CACNA1C: variants seen among roughly 807,000 people sequenced by gnomAD.
CACNA1C encodes the protein voltage-dependent L-type calcium channel subunit alpha-1C.
In CACNA1C, 30 loss-of-function variants were observed where a neutral mutation model predicts 229.0. That is an observed-to-expected ratio of 0.13 (90% CI 0.10 to 0.18). The LOEUF is 0.18. CACNA1C is among the 10% of genes least tolerant of loss of function. CACNA1C has a pLI of 1.00. For synonymous variants in CACNA1C, 1,114 were observed against 1,132.5 expected, an observed-to-expected ratio of 0.98 and a Z score of 0.33; for missense variants, 1,658 against 2,845.0, an observed-to-expected ratio of 0.58 and a Z score of 9.49.
chr12:2,012,194 TG>T (rs1372509254), intron 1 of CACNA1C, among the ~76,000 whole-genome samples: 1 of 152,138 alleles, frequency 6.6e-6, no homozygotes, highest in African/African-American at 2.4e-5. Flanking sequence ...ACTCTAATAG[TG>T]GGGACTAGGG....
intron 3 of CACNA1C, among the ~76,000 whole-genome samples, chr12:2,232,227 G>GTTTTTTTTTTTTTTTTTTTTTTTTTT (rs1169407536): frequency 1.9e-3 from 142 of 73,536 alleles, no homozygotes; most frequent in Non-Finnish European, 2.5e-3. Flanking sequence ...GTCTTTCCTT[G>GTTTTTTTTTTTTTTTTTTTTTTTTTT]TTTTTTTTTT....
In CACNA1C at chr12:2,289,353, G is replaced by A. The variant is rs146733310; in HGVS notation, c.478-159623G>A. Among the ~76,000 whole-genome samples the A allele has an allele frequency of 9.5e-3, 1,442 of 152,254 alleles. 18 individuals are homozygous for A. The highest frequency in any genetic ancestry group is 0.033 in the African/African-American group (1,386 of 41,538). ...TTCCTTCACTGCCTGGGGAGGGGGT[G>A]GATGGAGGAGGGAAACTAGCCACCT... is the stretch of plus-strand genomic sequence containing the variant. On this transcript the variant is annotated intron_variant, in intron 3 of 46. Transcript: ENST00000399655.
At chr12:2,638,978 G>A (rs1468148511) in intron 30 of CACNA1C, among the ~76,000 whole-genome samples, 1 of 152,268 alleles carries the variant, frequency 6.6e-6, no homozygotes, top group Non-Finnish European at 1.5e-5. Flanking sequence ...AGCGACAAGA[G>A]GCAGAGGAGC....
At chr12:2,500,200 A>G (rs2099756098) in intron 7 of CACNA1C, among the ~76,000 whole-genome samples, 1 of 151,978 alleles carries the variant, frequency 6.6e-6, no homozygotes, top group African/African-American at 2.4e-5. Context: ...CCCAGGGGGG[A>G]CCAAAGCAGC....
At chr12:2,673,614 T>G (rs1458462105) in intron 38 of CACNA1C, among the ~76,000 whole-genome samples, 1 of 152,004 alleles carries the variant, frequency 6.6e-6, no homozygotes, top group Non-Finnish European at 1.5e-5. Flanking sequence ...GGAGATCATG[T>G]TGTTGGTGGA....
chr12:2,277,399 A>G (rs2089159269), intron 3 of CACNA1C, among the ~76,000 whole-genome samples: 1 of 142,552 alleles, frequency 7.0e-6, no homozygotes, highest in South Asian at 2.3e-4. Context: ...ACACACACAC[A>G]CACACACACA....
intron 1 of CACNA1C, among the ~76,000 whole-genome samples, chr12:2,062,668 T>C (rs78848059): frequency 0.021 from 3,232 of 152,224 alleles, 128 homozygotes; most frequent in African/African-American, 0.073. Flanking sequence ...ATTCCCAGGG[T>C]TTCTGCCAGG....
At chr12:2,073,817 C>T (rs1200383393) in intron 1 of CACNA1C, among the ~76,000 whole-genome samples, 1 of 152,170 alleles carries the variant, frequency 6.6e-6, no homozygotes, top group Non-Finnish European at 1.5e-5. Flanking sequence ...CAGCCTATGA[C>T]TTCCAGTTAA....
intron 3 of CACNA1C, among the ~76,000 whole-genome samples, chr12:2,297,148 G>C (rs2094122092): frequency 6.6e-6 from 1 of 152,208 alleles, no homozygotes; most frequent in South Asian, 2.1e-4. Context: ...GCATGAGCAG[G>C]CTTCTCGAGT....
intron 29 of CACNA1C, among the ~76,000 whole-genome samples, chr12:2,616,111 C>T (rs1555894486): frequency 6.6e-6 from 1 of 152,202 alleles, no homozygotes; most frequent in Non-Finnish European, 1.5e-5. Flanking sequence ...AAGTCTCGGT[C>T]TCCCTTTTTG....
chr12:2,323,068 C>T (rs1023606110), intron 3 of CACNA1C, among the ~76,000 whole-genome samples: 3 of 152,146 alleles, frequency 2.0e-5, no homozygotes, highest in Admixed American at 6.5e-5. Flanking sequence ...GATCCTCAAG[C>T]CCTATGCTCT....
At chr12:2,311,651 A>G (rs1452471276) in intron 3 of CACNA1C, among the ~76,000 whole-genome samples, 1 of 152,244 alleles carries the variant, frequency 6.6e-6, no homozygotes, top group African/African-American at 2.4e-5. Flanking sequence ...GTCAGACGTC[A>G]GAGGCTTCTT....
chr12:2,332,745 C>T (rs2096584349), intron 3 of CACNA1C, among the ~76,000 whole-genome samples: 1 of 152,166 alleles, frequency 6.6e-6, no homozygotes, highest in South Asian at 2.1e-4. Flanking sequence ...TGACAGCATG[C>T]TTACCTTATC....
chr12:2,311,429 A>G (rs1046079094), intron 3 of CACNA1C, among the ~76,000 whole-genome samples: 1 of 152,224 alleles, frequency 6.6e-6, no homozygotes, highest in African/African-American at 2.4e-5. Context: ...AAGCAGATCA[A>G]CCAGAGGATG....
chr12:2,528,696 T>C (rs936768143), intron 9 of CACNA1C, among the ~76,000 whole-genome samples: 2 of 152,196 alleles, frequency 1.3e-5, no homozygotes, highest in African/African-American at 4.8e-5. Context: ...TCAGATCCAC[T>C]TCCCCAAAGA....
intron 3 of CACNA1C, among the ~76,000 whole-genome samples, chr12:2,163,203 CAAA>C (rs35977267): frequency 1.4e-3 from 157 of 109,540 alleles, no homozygotes; most frequent in African/African-American, 4.9e-3. Flanking sequence ...AATTCCATCT[CAAA>C]AAAAAAAAAA....
At chr12:2,429,004 A>T (rs574274499) in intron 3 of CACNA1C, among the ~76,000 whole-genome samples, 23 of 152,188 alleles carry the variant, frequency 1.5e-4, no homozygotes, top group Non-Finnish European at 3.1e-4. Context: ...GAAGTCTGAA[A>T]TCAAGGAGTT....
rs2047813560 is a variant in CACNA1C, at chr12:2,029,201, G to A, written c.139+58000G>A. ...AGGAGAGACTCCTGACACAGTCCTG[G>A]GAACCTGCATTCTATCGGAAAGCCA... On this transcript the variant is annotated intron_variant, in intron 1 of 46. Coordinates refer to the CACNA1C transcript ENST00000682462. This position sits in a 1 kb window ranked among gnomAD's most constrained non-coding sequence, Gnocchi z 4.9. Among the ~76,000 whole-genome samples the A allele has an allele frequency of 6.6e-6, 1 of 152,152 alleles. No homozygotes were observed. Among genetic ancestry groups the A allele is most frequent in the Non-Finnish European group, 1.5e-5 (1 of 68,024 alleles).
At chr12:2,382,916 G>A (rs1022727867) in intron 3 of CACNA1C, among the ~76,000 whole-genome samples, 1 of 152,052 alleles carries the variant, frequency 6.6e-6, no homozygotes, top group Non-Finnish European at 1.5e-5. Context: ...GGAAAGCCTT[G>A]GTATTAGTCA....
Sources: gnomAD v4.1 joint callset for allele counts (sites outside exome capture counted in the v4.1 genomes callset) on GRCh38, gnomAD v4.1.1 for gene constraint, Gnocchi (gnomAD v3.1) non-coding constraint, MANE v1.5 for transcripts, NCBI Gene and HGNC (gene_info 2026-07-23, HGNC 2026-07-21) for gene names.